The following NPAS2 variants were observed in gnomAD, a reference collection of about 807,000 sequenced individuals.
The protein encoded by NPAS2 is neuronal PAS domain-containing protein 2.
In NPAS2, 23 loss-of-function variants were observed where a neutral mutation model predicts 107.5. The ratio of observed to expected loss-of-function variants is 0.21; its 90% confidence interval spans 0.15 to 0.30. The LOEUF (loss-of-function observed/expected upper bound fraction) is 0.30, where lower values mean the gene tolerates loss of function less well. Ranked by LOEUF, NPAS2 falls within the 10% of genes least tolerant of loss-of-function variation. The pLI is 1.00. For missense variants in NPAS2, 756 were observed against 1,043.3 expected (o/e 0.72, Z 3.79); for synonymous variants, 403 against 417.5 (o/e 0.97, Z 0.42).
At chr2:100,919,730 A>G (rs356643) in intron 2 of NPAS2, among the ~76,000 whole-genome samples, 77,700 of 151,810 alleles carry the variant, frequency 0.51, 20,421 homozygotes, top group Admixed American at 0.64. Context: ...TCCTTCTCCA[A>G]TTGAGCCCAA....
chr2:100,980,465 T>A (rs1462334718), intron 15 of NPAS2, among the ~76,000 whole-genome samples: 1 of 152,016 alleles, frequency 6.6e-6, no homozygotes, highest in Non-Finnish European at 1.5e-5. Context: ...TTTTTGTTAT[T>A]TTTGTTTATA....
At chr2:100,975,770 C>T in intron 14 of NPAS2, 1 of 478,154 alleles carries the variant, frequency 2.1e-6, no homozygotes, top group East Asian at 3.7e-5. Flanking sequence ...AACATGGATG[C>T]ATATCCATTA....
At chr2:100,878,287 G>T in intron 1 of NPAS2, 1 of 985,422 alleles carries the variant, frequency 1.0e-6, no homozygotes, top group Non-Finnish European at 1.2e-6. Flanking sequence ...CAGGAGTGAG[G>T]CAAGCAGCAT....
chr2:100,991,302 T>TGCCTTCCCCAGCCTCCTCTCC, intron 19 of NPAS2, among the ~76,000 whole-genome samples: 2 of 152,282 alleles, frequency 1.3e-5, no homozygotes, highest in South Asian at 4.1e-4. Flanking sequence ...GCCCCCTCTC[T>TGCCTTCCCCAGCCTCCTCTCC]GCCTTCCCCA....
At chr2:100,871,403 T>C (rs1315073814) in intron 1 of NPAS2, among the ~76,000 whole-genome samples, 1 of 150,230 alleles carries the variant, frequency 6.7e-6, no homozygotes, top group Non-Finnish European at 1.5e-5. Context: ...TGATCTCTGC[T>C]CACTGCAACC....
chr2:100,878,026 T>C, intron 1 of NPAS2: 26 of 985,250 alleles, frequency 2.6e-5, no homozygotes, highest in Non-Finnish European at 3.1e-5. Context: ...AATACCAGAG[T>C]GCTGTTCTTT....
chr2:100,856,277 C>A (rs900599775), intron 1 of NPAS2, among the ~76,000 whole-genome samples: 3 of 152,178 alleles, frequency 2.0e-5, no homozygotes, highest in Admixed American at 2.0e-4. Flanking sequence ...TAATTAGTAG[C>A]CTTTCTTTTC....
Position 100,867,436 on chromosome 2 carries a change from T to C in NPAS2, c.-22-37297T>C, listed in dbSNP as rs1679324436. 3.9e-5 allele frequency among the ~76,000 whole-genome samples: 6 copies of C among 152,230 alleles called. No homozygotes were observed. The South Asian group carries it at 1.2e-3, about 32-fold the overall frequency. ...CTTTGTTTTGTGGCCCTCTCTGATG[T>C]CAAAGTTATGCTTATATGCTACTAA... On this transcript the variant is annotated intron_variant, in intron 1 of 20. Coordinates refer to ENST00000335681, the MANE Select transcript of NPAS2 (RefSeq NM_002518.4).
Position 100,948,295 on chromosome 2 carries a change from T to A in NPAS2, c.424T>A (p.Tyr142Asn), listed in dbSNP as rs956532003. 1 of 1,613,372 alleles carries A rather than the reference T, an allele frequency of 6.2e-7. No individual in the cohort carries two copies. Among genetic ancestry groups the A allele is most frequent in the Non-Finnish European group, 8.5e-7 (1 of 1,179,696 alleles). The change falls in exon 6 of 21, where the codon TAT (tyrosine) becomes AAT (asparagine). Residue 142 changes from tyrosine (Y) to asparagine (N), a missense_variant. Coordinates refer to ENST00000335681, the MANE Select transcript of NPAS2 (RefSeq NM_002518.4). ...CCCAGAACAAGAACATTCAGAAGTT[T>A]ATAAAATCCTTTCTTCCCATATGCT... The part of the protein sequence containing the change: ...FLPEQEHSEV[Y>N]KILSSHMLVT...
chr2:100,859,942 A>G (rs769998690), intron 1 of NPAS2, among the ~76,000 whole-genome samples: 30 of 152,318 alleles, frequency 2.0e-4, no homozygotes, highest in Non-Finnish European at 3.8e-4. Flanking sequence ...TTTGAAGGTA[A>G]GTTGCAGATA....
At chr2:100,834,076 G>A (rs1448208559) in intron 1 of NPAS2, among the ~76,000 whole-genome samples, 3 of 152,154 alleles carry the variant, frequency 2.0e-5, no homozygotes, top group Non-Finnish European at 4.4e-5. Context: ...AGAGGCCTTT[G>A]CTGACTCCTG....
chr2:100,826,680 T>G (rs1676403274), intron 1 of NPAS2, among the ~76,000 whole-genome samples: 1 of 151,208 alleles, frequency 6.6e-6, no homozygotes. Flanking sequence ...TATATCTTTA[T>G]GTACATTTCA....
chr2:100,857,254 C>T (rs995904484), intron 1 of NPAS2, among the ~76,000 whole-genome samples: 1 of 149,130 alleles, frequency 6.7e-6, no homozygotes, highest in South Asian at 2.1e-4. Flanking sequence ...GCCGAGATCA[C>T]GCCATTGCAC....
chr2:100,974,917 T>C lies in NPAS2; in HGVS notation c.1255T>C (p.Ser419Pro), dbSNP rs1381617959. ...SASSRSSHKS[S>P]HTAMSEPTST... is the part of the protein sequence containing the mutation. ...GTCCTCAAGAAGTTCCCACAAATCC[T>C]CGCACACAGCCATGTCAGAACCCAC... is the stretch of plus-strand genomic sequence containing the variant. The change falls in exon 13 of 21, where the codon TCG becomes CCG. Residue 419 changes from serine (S) to proline (P), a missense_variant. By Grantham distance (74) the Ser-to-Pro change is moderately conservative (BLOSUM62 -1). Coordinates refer to ENST00000335681, the MANE Select transcript of NPAS2 (RefSeq NM_002518.4). 1 of 1,613,832 alleles carries C rather than the reference T, an allele frequency of 6.2e-7. No homozygotes were observed. Among genetic ancestry groups the C allele is most frequent in the African/African-American group, 1.3e-5 (1 of 74,878 alleles).
chr2:100,946,924 C>A (rs140947844), intron 5 of NPAS2, among the ~76,000 whole-genome samples: 178 of 152,142 alleles, frequency 1.2e-3, no homozygotes, highest in African/African-American at 4.2e-3. Flanking sequence ...AGGCAGATGA[C>A]CAACTGATGA....
chr2:100,905,439 T>C (rs1052219286), intron 2 of NPAS2, among the ~76,000 whole-genome samples: 2 of 151,684 alleles, frequency 1.3e-5, no homozygotes, highest in South Asian at 2.1e-4. Flanking sequence ...AGTGGAATCA[T>C]AACAGTGACA....
At chr2:100,983,479 C>G (rs1677592958) in intron 16 of NPAS2, 1 of 152,706 alleles carries the variant, frequency 6.5e-6, no homozygotes, top group Non-Finnish European at 1.5e-5. Flanking sequence ...TTTCTAGATG[C>G]TCACTGTCCC....
intron 7 of NPAS2, among the ~76,000 whole-genome samples, chr2:100,959,736 C>T (rs1432585579): frequency 3.3e-5 from 5 of 152,126 alleles, no homozygotes; most frequent in Admixed American, 6.5e-5. Context: ...TCATTTGTTT[C>T]GAGAAGTGCC....
At chr2:100,931,812 A>T (rs1454056749) in intron 3 of NPAS2, among the ~76,000 whole-genome samples, 1 of 152,154 alleles carries the variant, frequency 6.6e-6, no homozygotes, top group African/African-American at 2.4e-5. Flanking sequence ...TCTTTTGTTC[A>T]TGAGTAGCTG....
Sources: gnomAD v4.1 joint callset for allele counts (sites outside exome capture counted in the v4.1 genomes callset) on GRCh38, gnomAD v4.1.1 for gene constraint, MANE v1.5 for transcripts, NCBI Gene and HGNC (gene_info 2026-07-23, HGNC 2026-07-21) for gene names.